The following WDR6 variants were observed in gnomAD, a reference collection of about 807,000 sequenced individuals.
WDR6 encodes tRNA (34-2'-O)-methyltransferase regulator WDR6.
WDR6 carries 58 observed loss-of-function variants against 85.6 expected under a neutral mutation model. The ratio of observed to expected loss-of-function variants is 0.68; its 90% confidence interval spans 0.55 to 0.84. The LOEUF is 0.84. WDR6 is among the 40% of genes least tolerant of loss of function. The probability of loss-of-function intolerance (pLI) is 0.00; values close to 1 mark genes in which losing one functional copy is unlikely to be tolerated. For missense variants in WDR6, 1,310 were observed against 1,476.4 expected (o/e 0.89, Z 1.85); for synonymous variants, 569 against 582.2 (o/e 0.98, Z 0.33).
chr3:49,014,177 G>T lies in WDR6; in HGVS notation c.2583-33G>T. On this transcript the variant is annotated intron_variant, in intron 2 of 5. Transcript: ENST00000608424. This position sits in a 1 kb window ranked among gnomAD's most constrained non-coding sequence, Gnocchi z 4.9. ...CATGCAGATGCTCCCAGGCTTGCAG[G>T]CTCCACCTGACAGCTGCATGTTGTC... 2 of 1,614,138 alleles carry T rather than the reference G, an allele frequency of 1.2e-6. No individual in the cohort carries two copies. Among genetic ancestry groups the T allele is most frequent in the South Asian group, 2.2e-5 (2 of 91,082 alleles).
At chr3:49,008,104 A>G (rs1293417793) in intron 1 of WDR6, 1 of 152,300 alleles carries the variant, frequency 6.6e-6, no homozygotes, top group African/African-American at 2.4e-5. Context: ...CGTCGCGGAA[A>G]ACGGCGGATA....
In WDR6 at chr3:49,013,855, T is replaced by C; in HGVS notation, c.2321T>C (p.Ile774Thr). 6.2e-7 allele frequency: 1 copy of C among 1,613,980 alleles called. No individual in the cohort carries two copies. Among genetic ancestry groups the C allele is most frequent in the Non-Finnish European group, 8.5e-7 (1 of 1,179,994 alleles). The change falls in exon 2 of 6, where the codon ATC (isoleucine) becomes ACC (threonine). Residue 774 changes from isoleucine to threonine, a missense_variant. Physicochemically the swap from Ile to Thr is moderately conservative, Grantham distance 89. Coordinates refer to ENST00000608424, the MANE Select transcript of WDR6 (RefSeq NM_018031.6). The surrounding 1 kb of genome is among the most constrained non-coding windows in gnomAD (Gnocchi z 4.6). ...GCACTCACAGCTGTTTGTAACCATA[T>C]CTCCTCGGTACGTGCTGTGGCTGTG... is the stretch of plus-strand genomic sequence containing the variant. ...AHALTAVCNH[I>T]SSVRAVAVWG... is the part of the protein sequence containing the mutation.
Position 49,014,974 on chromosome 3 carries a change from C to G in WDR6, c.3052C>G (p.Gln1018Glu). The change falls in exon 6 of 6, where the codon CAG becomes GAG. Residue 1018 changes from glutamine (Q) to glutamate (E), a missense_variant. Coordinates refer to ENST00000608424, the MANE Select transcript of WDR6 (RefSeq NM_018031.6). This position sits in a 1 kb window ranked among gnomAD's most constrained non-coding sequence, Gnocchi z 4.9. Reference protein sequence around the residue: ...HVFVLAVEMLQLEEAVGEAGL... With the variant: ...HVFVLAVEMLELEEAVGEAGL... ...CTTCGTGCTTGCTGTGGAGATGCTACAGCTAGAAGAGGCTGTGGGAGAGGC... is the reference window on the plus strand; with the variant it reads ...CTTCGTGCTTGCTGTGGAGATGCTAGAGCTAGAAGAGGCTGTGGGAGAGGC... 2 of 1,614,188 alleles carry G rather than the reference C, an allele frequency of 1.2e-6. No homozygotes were observed. Among genetic ancestry groups the G allele is most frequent in the African/African-American group, 2.7e-5 (2 of 75,052 alleles).
chr3:49,011,049 A>C, intron 1 of WDR6: 1 of 438,646 alleles, frequency 2.3e-6, no homozygotes, highest in Non-Finnish European at 4.5e-6. Context: ...AGGGAAGCAC[A>C]AAGTCAGCAC....
rs2093040912 is a variant in WDR6, at chr3:49,014,668, A to G, written c.2852A>G (p.Asp951Gly). ...TTCTGGGATCTCACCACCATGCTAG[A>G]CCATGACTCCACTGTCCTGGAGCCT... The part of the protein sequence containing the change: ...LAFWDLTTML[D>G]HDSTVLEPPV... The change falls in exon 5 of 6, where the codon GAC (aspartate) becomes GGC (glycine). Residue 951 changes from aspartate (D) to glycine (G), a missense_variant. Physicochemically the swap from Asp to Gly is moderately conservative, Grantham distance 94. Coordinates refer to ENST00000608424, the MANE Select transcript of WDR6 (RefSeq NM_018031.6). This position sits in a 1 kb window ranked among gnomAD's most constrained non-coding sequence, Gnocchi z 4.9. The G allele has an allele frequency of 1.2e-6, 2 of 1,613,544 alleles. No individual in the cohort carries two copies. The highest frequency in any genetic ancestry group is 1.7e-6 in the Non-Finnish European group (2 of 1,179,994).
At position 49,014,997 on chromosome 3, in the gene WDR6, G is replaced by A. The variant is rs1374453757; in HGVS notation, c.3075G>A (p.Glu1025=). ...EMLQLEEAVG[E]AGLVPQLRVL... ...TACAGCTAGAAGAGGCTGTGGGAGA[G>A]GCTGGGCTGGTACCCCAGCTGCGTG... is the stretch of plus-strand genomic sequence containing the variant. Residue 1025 remains glutamate, a synonymous_variant, in exon 6 of 6, where the codon GAG becomes GAA. Coordinates refer to ENST00000608424, the MANE Select transcript of WDR6 (RefSeq NM_018031.6). The surrounding 1 kb of genome is among the most constrained non-coding windows in gnomAD (Gnocchi z 4.9). 6.2e-7 allele frequency: 1 copy of A among 1,614,184 alleles called. No homozygotes were observed. The highest frequency in any genetic ancestry group is 1.3e-5 in the African/African-American group (1 of 75,032).
In WDR6 at chr3:49,014,170, CT is replaced by C; in HGVS notation, c.2583-38del. On this transcript the variant is annotated intron_variant, in intron 2 of 5. Transcript: ENST00000608424. The surrounding 1 kb of genome is among the most constrained non-coding windows in gnomAD (Gnocchi z 4.9). ...TATGGGTCATGCAGATGCTCCCAGG[CT>C]TGCAGGCTCCACCTGACAGCTGCAT... is the stretch of plus-strand genomic sequence containing the variant. 6.2e-7 allele frequency: 1 copy of C among 1,614,148 alleles called. No individual in the cohort carries two copies. Among genetic ancestry groups the C allele is most frequent in the Non-Finnish European group, 8.5e-7 (1 of 1,180,004 alleles).
Position 49,014,443 on chromosome 3 carries a change from T to C in WDR6, c.2727T>C (p.His909=), listed in dbSNP as rs745668298. 1.5e-5 allele frequency: 24 copies of C among 1,613,984 alleles called. No homozygotes were observed. In the East Asian group the frequency reaches 4.2e-4, roughly 28 times the overall value. The change falls in exon 4 of 6, where the codon CAT becomes CAC. Residue 909 remains histidine (H), a synonymous_variant. Coordinates refer to ENST00000608424, the MANE Select transcript of WDR6 (RefSeq NM_018031.6). This position sits in a 1 kb window ranked among gnomAD's most constrained non-coding sequence, Gnocchi z 4.9. The part of the protein sequence containing the change: ...ILQLLAETFH[H]KRCVLKVHSF... Reference sequence around the variant, plus strand: ...AGCTCCTTGCTGAAACCTTCCACCATAAGCGATGTGTCCTCAAGGTCCACT... The same window carrying C: ...AGCTCCTTGCTGAAACCTTCCACCACAAGCGATGTGTCCTCAAGGTCCACT...
chr3:49,015,628 C>G lies in WDR6; in HGVS notation c.*340C>G, dbSNP rs751618056. ...TGGAGGGAGACCCAGCATAGCCAGG[C>G]CAGTATGGAGCACCTCACGCACAGC... On this transcript the variant is annotated 3_prime_UTR_variant, in exon 6 of 6. Transcript: ENST00000608424. 7 of 1,614,088 alleles carry G rather than the reference C, an allele frequency of 4.3e-6. No homozygotes were observed. Among genetic ancestry groups the G allele is most frequent in the Non-Finnish European group, 5.9e-6 (7 of 1,180,022 alleles).
rs2093047157 is a variant in WDR6, at chr3:49,015,221, G to T, written c.3299G>T (p.Ser1100Ile). ...DVADMDCWPV[S>I]PEFGHRCALG... The stretch of plus-strand genomic sequence containing the variant: ...GCTGACATGGACTGCTGGCCTGTGA[G>T]CCCTGAGTTTGGCCACCGTTGTGCC... Residue 1100 changes from serine (S) to isoleucine (I), a missense_variant, in exon 6 of 6, where the codon AGC becomes ATC. Coordinates refer to ENST00000608424, the MANE Select transcript of WDR6 (RefSeq NM_018031.6). 5 of 1,613,660 alleles carry T rather than the reference G, an allele frequency of 3.1e-6. No homozygotes were observed. The Admixed American group carries it at 8.3e-5, about 27-fold the overall frequency.
Position 49,015,506 on chromosome 3 carries a change from A to AATT in WDR6, c.*219_*221dup. The AATT allele has an allele frequency of 6.3e-7, 1 of 1,587,258 alleles. No individual in the cohort carries two copies. On this transcript the variant is annotated 3_prime_UTR_variant, in exon 6 of 6. Coordinates refer to ENST00000608424, the MANE Select transcript of WDR6 (RefSeq NM_018031.6). The stretch of plus-strand genomic sequence containing the variant: ...ACAGAACTTTGTAACAAACAGTACC[A>AATT]ATTTATTTTGGCCGTGGGTTTTTGC...
chr3:49,013,402 CCGA>C lies in WDR6; in HGVS notation c.1869_1871del (p.Asp624del). 6.2e-7 allele frequency: 1 copy of C among 1,614,160 alleles called. No individual in the cohort carries two copies. The highest frequency in any genetic ancestry group is 8.5e-7 in the Non-Finnish European group (1 of 1,180,018). On this transcript the variant is annotated inframe_deletion, in exon 2 of 6. Coordinates refer to ENST00000608424, the MANE Select transcript of WDR6 (RefSeq NM_018031.6). The surrounding 1 kb of genome is among the most constrained non-coding windows in gnomAD (Gnocchi z 4.6). The stretch of plus-strand genomic sequence containing the variant: ...TGGCTAGCTGGGCTCCGTATAGTGC[CCGA>C]TGGGAGCATGGTTATCCTGGGTTTC...
rs1336983151 is a variant in WDR6, at chr3:49,014,323, G to A, written c.2666+30G>A. On this transcript the variant is annotated intron_variant, in intron 3 of 5. Coordinates refer to ENST00000608424, the MANE Select transcript of WDR6 (RefSeq NM_018031.6). This position sits in a 1 kb window ranked among gnomAD's most constrained non-coding sequence, Gnocchi z 4.9. ...GAGCATAGGGCCCAGTGGGACAGGAGACAAAGGAAGTAAGGTTGTCTAGGA... is the reference window on the plus strand; with the variant it reads ...GAGCATAGGGCCCAGTGGGACAGGAAACAAAGGAAGTAAGGTTGTCTAGGA... The A allele has an allele frequency of 6.2e-7, 1 of 1,614,032 alleles. No individual in the cohort carries two copies. The highest frequency in any genetic ancestry group is 8.5e-7 in the Non-Finnish European group (1 of 1,180,038).
At chr3:49,010,040 T>A (rs1227903682) in intron 1 of WDR6, among the ~76,000 whole-genome samples, 4 of 151,426 alleles carry the variant, frequency 2.6e-5, no homozygotes, top group African/African-American at 4.9e-5. Flanking sequence ...ATTTTTTTTT[T>A]AATTAAAAAA....
chr3:49,014,788 C>A lies in WDR6; in HGVS notation c.2903-37C>A. On this transcript the variant is annotated intron_variant, in intron 5 of 5. Transcript: ENST00000608424. This position sits in a 1 kb window ranked among gnomAD's most constrained non-coding sequence, Gnocchi z 4.9. The stretch of plus-strand genomic sequence containing the variant: ...ACATAGCCCTCACACATGTGGCAGG[C>A]GGGGCCCTGACAACTACCCTCTTCC... The A allele has an allele frequency of 6.2e-7, 1 of 1,602,794 alleles. No homozygotes were observed. The highest frequency in any genetic ancestry group is 8.5e-7 in the Non-Finnish European group (1 of 1,172,910).
Position 49,014,437 on chromosome 3 carries a change from C to T in WDR6, c.2721C>T (p.Phe907=). 1.9e-6 allele frequency: 3 copies of T among 1,614,142 alleles called. No individual in the cohort carries two copies. The highest frequency in any genetic ancestry group is 2.5e-6 in the Non-Finnish European group (3 of 1,180,014). The change falls in exon 4 of 6, where the codon TTC becomes TTT. Residue 907 remains phenylalanine (F), a synonymous_variant. Coordinates refer to ENST00000608424, the MANE Select transcript of WDR6 (RefSeq NM_018031.6). The surrounding 1 kb of genome is among the most constrained non-coding windows in gnomAD (Gnocchi z 4.9). ...GRILQLLAET[F]HHKRCVLKVH... ...TTCTGCAGCTCCTTGCTGAAACCTTCCACCATAAGCGATGTGTCCTCAAGG... is the reference window on the plus strand; with the variant it reads ...TTCTGCAGCTCCTTGCTGAAACCTTTCACCATAAGCGATGTGTCCTCAAGG...
At position 49,013,667 on chromosome 3, in the gene WDR6, C is replaced by T. The variant is rs2093030920; in HGVS notation, c.2133C>T (p.Gly711=). Residue 711 remains glycine (G), a synonymous_variant, in exon 2 of 6, where the codon GGC becomes GGT. Coordinates refer to ENST00000608424, the MANE Select transcript of WDR6 (RefSeq NM_018031.6). This position sits in a 1 kb window ranked among gnomAD's most constrained non-coding sequence, Gnocchi z 4.6. ...AGATCACTTGTGTAAAGCGTGTGGG[C>T]ACCATTACCCTGGGGCCTGAATATG... ...GREITCVKRV[G]TITLGPEYGV... The T allele has an allele frequency of 6.2e-7, 1 of 1,613,934 alleles. No homozygotes were observed. Among genetic ancestry groups the T allele is most frequent in the Non-Finnish European group, 8.5e-7 (1 of 1,180,000 alleles).
intron 1 of WDR6, among the ~76,000 whole-genome samples, chr3:49,009,306 T>TCC (rs1200625119): frequency 1.8e-4 from 2 of 11,426 alleles, no homozygotes; most frequent in Non-Finnish European, 1.6e-4. Context: ...CTCCCATTGC[T>TCC]CCCCACCCCC....
Position 49,015,531 on chromosome 3 carries a change from CT to C in WDR6, c.*250del, listed in dbSNP as rs746678490. On this transcript the variant is annotated 3_prime_UTR_variant, in exon 6 of 6. Coordinates refer to ENST00000608424, the MANE Select transcript of WDR6 (RefSeq NM_018031.6). ...AATTTATTTTGGCCGTGGGTTTTTG[CT>C]TTTTTTCCAGTTGATGACTTTGTGA... 1.3e-5 allele frequency: 20 copies of C among 1,598,932 alleles called. No individual in the cohort carries two copies. Among genetic ancestry groups the C allele is most frequent in the Admixed American group, 1.7e-5 (1 of 57,234 alleles).
Sources: gnomAD v4.1 joint callset for allele counts (sites outside exome capture counted in the v4.1 genomes callset) on GRCh38, gnomAD v4.1.1 for gene constraint, Gnocchi (gnomAD v3.1) non-coding constraint, MANE v1.5 for transcripts, NCBI Gene and HGNC (gene_info 2026-07-23, HGNC 2026-07-21) for gene names.